Variants in ZMYM4 observed in about 807,000 individuals in gnomAD.
ZMYM4 encodes the protein zinc finger MYM-type protein 4.
A neutral mutation model predicts 183.2 loss-of-function variants in ZMYM4; 31 were observed. The ratio of observed to expected loss-of-function variants is 0.17; its 90% CI spans 0.13 to 0.23. The LOEUF (loss-of-function observed/expected upper bound fraction) is 0.23, where lower values mean the gene tolerates loss of function less well. ZMYM4 is among the 10% of genes least tolerant of loss of function. ZMYM4 has a pLI of 1.00. For missense variants in ZMYM4, 1,273 were observed against 1,840.3 expected (o/e 0.69, Z 5.64); for synonymous variants, 592 against 631.2 (o/e 0.94, Z 0.93).
Position 35,387,721 on chromosome 1 carries a change from A to G in ZMYM4, c.2263+117A>G, listed in dbSNP as rs1644608472. The G allele has an allele frequency of 2.7e-6, 3 of 1,102,526 alleles. No homozygotes were observed. The South Asian group carries it at 6.2e-5, about 23-fold the overall frequency. 68.3% of individuals were successfully genotyped at this position (1,102,526 alleles called of 1,614,324 possible). ...GTTTTATTGTTTATGTATAACGTAAATGCCTTTTCGATTCATTTACACTTA... is the reference window on the plus strand; with the variant it reads ...GTTTTATTGTTTATGTATAACGTAAGTGCCTTTTCGATTCATTTACACTTA... On this transcript the variant is annotated intron_variant, in intron 13 of 29. Transcript: ENST00000314607.
rs1185263855 is a variant in ZMYM4, at chr1:35,394,175, T to C, written c.2911+436T>C. 3.6e-3 allele frequency among the ~76,000 whole-genome samples: 470 copies of C among 130,912 alleles called. 7 individuals carry two copies. The highest frequency in any genetic ancestry group is 0.012 in the African/African-American group (456 of 36,904). 85.9% of individuals were successfully genotyped at this position (130,912 alleles called of 152,430 possible). On this transcript the variant is annotated intron_variant, in intron 18 of 29. Transcript: ENST00000314607. ...CTTCAGAGCTTTCTTTTTTTTTTTTTTTTTTTTTTTTTTTTTTATGAACTG... is the reference window on the plus strand; with the variant it reads ...CTTCAGAGCTTTCTTTTTTTTTTTTCTTTTTTTTTTTTTTTTTATGAACTG...
intron 23 of ZMYM4, among the ~76,000 whole-genome samples, chr1:35,404,626 CTA>C (rs1461002564): frequency 6.6e-6 from 1 of 151,988 alleles, no homozygotes; most frequent in Non-Finnish European, 1.5e-5. Flanking sequence ...TCATTGGTTT[CTA>C]TTTTAATTTC....
At chr1:35,311,261 AAC>A (rs1641783263) in intron 1 of ZMYM4, among the ~76,000 whole-genome samples, 1 of 151,992 alleles carries the variant, frequency 6.6e-6, no homozygotes, top group Admixed American at 6.6e-5. Context: ...CTCTACTAAA[AAC>A]ACAAAAAAAT....
At chr1:35,323,544 T>C (rs1429366278) in intron 1 of ZMYM4, among the ~76,000 whole-genome samples, 2 of 151,310 alleles carry the variant, frequency 1.3e-5, no homozygotes, top group Non-Finnish European at 3.0e-5. Flanking sequence ...TTTTTTGTTT[T>C]TTTGGTGTTT....
intron 1 of ZMYM4, among the ~76,000 whole-genome samples, chr1:35,312,728 C>T (rs1418925944): frequency 6.8e-6 from 1 of 146,816 alleles, no homozygotes; most frequent in Non-Finnish European, 1.5e-5. Context: ...CCCTCCCTTC[C>T]TTCCTTTTTT....
chr1:35,419,979 G>C lies in ZMYM4; in HGVS notation c.*302G>C, dbSNP rs987237774. On this transcript the variant is annotated 3_prime_UTR_variant, in exon 30 of 30. Coordinates refer to ENST00000314607, the MANE Select transcript of ZMYM4 (RefSeq NM_005095.3). ...GTAACAAATCGTGGAATATTTTTAA[G>C]GAAAACTGTTGTATAAAACTTTACC... is the stretch of plus-strand genomic sequence containing the variant. 1.6e-4 allele frequency: 57 copies of C among 365,812 alleles called. No homozygotes were observed. Among genetic ancestry groups the C allele is most frequent in the Non-Finnish European group, 4.7e-5 (9 of 190,536 alleles). The allele number at this position is 365,812 out of a possible 1,614,324, so 22.7% of individuals were successfully genotyped here. A position where few individuals can be genotyped will look rare whatever the true frequency, so the allele number is the denominator to read the frequency against.
chr1:35,388,427 A>T (rs911648150), intron 13 of ZMYM4, among the ~76,000 whole-genome samples: 1 of 151,950 alleles, frequency 6.6e-6, no homozygotes, highest in Non-Finnish European at 1.5e-5. Flanking sequence ...CTGGTCTCCA[A>T]CTCCTGACCT....
chr1:35,344,358 G>C (rs1221280668), intron 2 of ZMYM4, among the ~76,000 whole-genome samples: 2 of 151,954 alleles, frequency 1.3e-5, no homozygotes, highest in African/African-American at 4.8e-5. Context: ...CCAGCCGCTA[G>C]GATGTTTATT....
intron 1 of ZMYM4, among the ~76,000 whole-genome samples, chr1:35,317,993 G>C (rs1325316907): frequency 1.3e-5 from 2 of 150,102 alleles, no homozygotes; most frequent in Non-Finnish European, 3.0e-5. Flanking sequence ...ATACTCAAAA[G>C]ATTCAAAGAG....
At position 35,385,531 on chromosome 1, in the gene ZMYM4, A is replaced by G. The variant is rs564550893; in HGVS notation, c.1659A>G (p.Thr553=). 8 of 1,613,326 alleles carry G rather than the reference A, an allele frequency of 5.0e-6. No homozygotes were observed. In the South Asian group the frequency reaches 7.7e-5, roughly 16 times the overall value. The change falls in exon 10 of 30, where the codon ACA becomes ACG. Residue 553 remains threonine (T), a synonymous_variant. Transcript: ENST00000314607. ...AAAATACCAATAGCTTGGGGAAGACAGAGCTTTTCTGTTCTGTTAATTGCT... is the reference window on the plus strand; with the variant it reads ...AAAATACCAATAGCTTGGGGAAGACGGAGCTTTTCTGTTCTGTTAATTGCT... ...MIENTNSLGK[T]ELFCSVNCLS...
chr1:35,411,194 T>C (rs1050230657), intron 26 of ZMYM4, among the ~76,000 whole-genome samples: 3 of 150,894 alleles, frequency 2.0e-5, no homozygotes, highest in South Asian at 2.1e-4. Context: ...TTTCTTTTTT[T>C]TTTTTTTTTG....
rs1250989968 is a variant in ZMYM4, at chr1:35,390,030, A to G, written c.2519A>G (p.Asn840Ser). 1 of 1,613,980 alleles carries G rather than the reference A, an allele frequency of 6.2e-7. No individual in the cohort carries two copies. Among genetic ancestry groups the G allele is most frequent in the East Asian group, 2.2e-5 (1 of 44,852 alleles). The stretch of plus-strand genomic sequence containing the variant: ...CGAGGGGAAATGAAACATTTCTGTA[A>G]CCTGCTTTGTATCTTGATGTTCTGT... ...KWRGEMKHFC[N>S]LLCILMFCNQ... is the part of the protein sequence containing the mutation. Residue 840 changes from asparagine to serine, a missense_variant, in exon 15 of 30, where the codon AAC becomes AGC. Asn to Ser is a conservative substitution (Grantham distance 46, BLOSUM62 1). This residue lies in a region of ZMYM4 where 290 missense variants were observed against 353.3 expected (regional missense o/e 0.82). Transcript: ENST00000314607.
intron 1 of ZMYM4, among the ~76,000 whole-genome samples, chr1:35,296,843 CTTTT>C (rs780202714): frequency 2.1e-5 from 2 of 95,626 alleles, no homozygotes; most frequent in Non-Finnish European, 3.7e-5. Context: ...TTCTTTCTTT[CTTTT>C]TTTTTTTTTT....
chr1:35,412,773 C>A (rs1639965044), intron 26 of ZMYM4, among the ~76,000 whole-genome samples: 1 of 151,878 alleles, frequency 6.6e-6, no homozygotes, highest in South Asian at 2.1e-4. Flanking sequence ...TGTAATCTGC[C>A]AATAAGTTCA....
rs1644645918 is a variant in ZMYM4, at chr1:35,389,158, A to C, written c.2436+76A>C. 5 of 1,425,044 alleles carry C rather than the reference A, an allele frequency of 3.5e-6. No individual in the cohort carries two copies. The highest frequency in any genetic ancestry group is 2.8e-5 in the South Asian group (2 of 72,708). 88.3% of individuals were successfully genotyped at this position (1,425,044 alleles called of 1,614,324 possible). On this transcript the variant is annotated intron_variant, in intron 14 of 29. Coordinates refer to ENST00000314607, the MANE Select transcript of ZMYM4 (RefSeq NM_005095.3). The surrounding 1 kb of genome is among the most constrained non-coding windows in gnomAD (Gnocchi z 4.0). Reference sequence around the variant, plus strand: ...CCCTTTTAAAATTTCATGTCACATAAAGGACAATTTAATTATTTAAAACTT... The same window carrying C: ...CCCTTTTAAAATTTCATGTCACATACAGGACAATTTAATTATTTAAAACTT...
chr1:35,346,933 A>T (rs1288923330), intron 2 of ZMYM4, among the ~76,000 whole-genome samples: 1 of 152,186 alleles, frequency 6.6e-6, no homozygotes, highest in Non-Finnish European at 1.5e-5. Flanking sequence ...TTAAAAATGT[A>T]AAATCATTCT....
At chr1:35,383,274 G>C (rs1366600640) in intron 9 of ZMYM4, among the ~76,000 whole-genome samples, 1 of 152,030 alleles carries the variant, frequency 6.6e-6, no homozygotes, top group Non-Finnish European at 1.5e-5. Context: ...CATAGTAGGT[G>C]TATATATTTA....
intron 2 of ZMYM4, among the ~76,000 whole-genome samples, chr1:35,337,934 A>G (rs777874837): frequency 3.3e-5 from 5 of 152,158 alleles, no homozygotes; most frequent in Non-Finnish European, 7.4e-5. Context: ...GCGAGACTCC[A>G]TCTCAAAAAT....
chr1:35,399,333 G>GGT, intron 22 of ZMYM4, 149 bp from the exon 23 acceptor site: 4 of 787,502 alleles, frequency 5.1e-6, no homozygotes, highest in Non-Finnish European at 7.8e-6. Flanking sequence ...CTATATCCTT[G>GGT]GTTTAAGTCT....
Sources: allele counts gnomAD v4.1 joint callset (sites outside exome capture counted in the v4.1 genomes callset), GRCh38; gene constraint gnomAD v4.1.1; regional missense constraint gnomAD v4.1.1; non-coding constraint Gnocchi (gnomAD v3.1); transcripts MANE v1.5; gene names NCBI Gene and HGNC (gene_info 2026-07-23, HGNC 2026-07-21).